Variants in TNS1 observed in about 807,000 individuals in gnomAD.
TNS1 encodes the protein tensin 1.
Under a neutral mutation model 168.6 loss-of-function variants are expected in TNS1, and 62 were observed. The ratio of observed to expected loss-of-function variants is 0.37; its 90% CI spans 0.30 to 0.45. The LOEUF (loss-of-function observed/expected upper bound fraction) is 0.45, where lower values mean the gene tolerates loss of function less well. Among genes scored for constraint, TNS1 ranks in the 20% least tolerant of loss-of-function variants. The probability of loss-of-function intolerance (pLI) is 1.00; values close to 1 mark genes in which losing one functional copy is unlikely to be tolerated. For missense variants in TNS1, 2,240 were observed against 2,339.4 expected, an observed-to-expected ratio of 0.96 and a Z score of 0.88; for synonymous variants, 934 against 933.2, an observed-to-expected ratio of 1.00 and a Z score of -0.02.
chr2:217,925,366 C>T (rs1394045638), intron 3 of TNS1, among the ~76,000 whole-genome samples: 1 of 152,104 alleles, frequency 6.6e-6, no homozygotes, highest in Non-Finnish European at 1.5e-5. Flanking sequence ...GGACCAGGGC[C>T]CCAACTGGGT....
At chr2:217,889,725 T>G (rs1013247895) in intron 12 of TNS1, among the ~76,000 whole-genome samples, 2 of 152,206 alleles carry the variant, frequency 1.3e-5, no homozygotes, top group African/African-American at 4.8e-5. Flanking sequence ...GAAGCTGAGC[T>G]CCATAAGCCC....
At chr2:217,885,294 C>A in intron 15 of TNS1, 130 bp from the exon 16 acceptor site, 1 of 1,270,986 alleles carries the variant, frequency 7.9e-7, no homozygotes, top group Non-Finnish European at 1.1e-6. Flanking sequence ...GAGAGCTCAT[C>A]AACACCAAAC....
At chr2:217,886,746 T>C in intron 12 of TNS1, 100 bp from the exon 13 acceptor site, 2 of 895,494 alleles carry the variant, frequency 2.2e-6, no homozygotes, top group Non-Finnish European at 1.8e-6. Context: ...ACCACTCACC[T>C]ACTCTACCCT....
chr2:217,907,752 GT>G (rs899323493), intron 4 of TNS1, among the ~76,000 whole-genome samples: 4 of 152,192 alleles, frequency 2.6e-5, no homozygotes, highest in Non-Finnish European at 5.9e-5. Context: ...CAGCCAGCCA[GT>G]CTCATTACTT....
intron 3 of TNS1, among the ~76,000 whole-genome samples, chr2:217,971,021 C>T (rs913368901): frequency 2.0e-5 from 3 of 152,092 alleles, no homozygotes; most frequent in Admixed American, 1.3e-4. Context: ...AAGCCATAGA[C>T]CAATGGTTCT....
chr2:217,899,961 T>C (rs994758751), intron 7 of TNS1, among the ~76,000 whole-genome samples: 14 of 152,112 alleles, frequency 9.2e-5, no homozygotes, highest in African/African-American at 2.9e-4. Context: ...GGACACAAAG[T>C]CCCTTGTGCA....
chr2:218,001,677 C>G (rs1958566008), intron 1 of TNS1, among the ~76,000 whole-genome samples: 1 of 152,176 alleles, frequency 6.6e-6, no homozygotes, highest in African/African-American at 2.4e-5. Flanking sequence ...TTAATCCAAT[C>G]CATCCCAGCA....
At chr2:217,964,095 C>T (rs184217456) in intron 3 of TNS1, among the ~76,000 whole-genome samples, 2 of 152,244 alleles carry the variant, frequency 1.3e-5, no homozygotes, top group East Asian at 1.9e-4. Flanking sequence ...CCTGGAGGTT[C>T]GGGAGGCCTC....
chr2:217,890,641 A>C (rs1951649010), intron 12 of TNS1: 1 of 382,024 alleles, frequency 2.6e-6, no homozygotes, highest in Non-Finnish European at 4.9e-6. Context: ...TCCTGCTTCC[A>C]GGGCCAAGAA....
At chr2:217,904,597 C>A (rs994366375) in intron 6 of TNS1, among the ~76,000 whole-genome samples, 4 of 152,198 alleles carry the variant, frequency 2.6e-5, no homozygotes, top group Admixed American at 2.0e-4. Flanking sequence ...CACTTACCCA[C>A]CCCGACACAC....
At chr2:217,882,961 C>T (rs1950823877) in intron 16 of TNS1, among the ~76,000 whole-genome samples, 1 of 151,902 alleles carries the variant, frequency 6.6e-6, no homozygotes. Context: ...ACGCCCGGCT[C>T]ATTTTTGTAT....
Position 217,986,168 on chromosome 2 carries a change from C to A in TNS1, c.148+4774G>T, listed in dbSNP as rs1306540269. On this transcript the variant is annotated intron_variant, in intron 2 of 32. Transcript: ENST00000682258. This position sits in a 1 kb window ranked among gnomAD's most constrained non-coding sequence, Gnocchi z 4.7. ...GGCTAGAAACCCAGGGTCTTCCCACCCTACCAGGCTACCTCTGGTGGCTCC... is the reference window on the plus strand; with the variant it reads ...GGCTAGAAACCCAGGGTCTTCCCACACTACCAGGCTACCTCTGGTGGCTCC... Among the ~76,000 whole-genome samples, 1 of 152,190 alleles carries A rather than the reference C, an allele frequency of 6.6e-6. No individual in the cohort carries two copies. Among genetic ancestry groups the A allele is most frequent in the Non-Finnish European group, 1.5e-5 (1 of 68,028 alleles).
At chr2:217,929,083 AG>A (rs1452778245) in intron 3 of TNS1, among the ~76,000 whole-genome samples, 1 of 152,028 alleles carries the variant, frequency 6.6e-6, no homozygotes. Context: ...GACAACAACA[AG>A]GGGAACTCGG....
chr2:217,818,741 G>A lies in TNS1; in HGVS notation c.3591C>T (p.Phe1197=), dbSNP rs1942347405. The change falls in exon 24 of 33, where the codon TTC becomes TTT. Residue 1197 remains phenylalanine (F), a synonymous_variant. Transcript: ENST00000682258. ...CCTGGTCACTGCTCTCTCCCGACGG[G>A]AAACTCCCCACTGAAGTGCTGCAGA... is the stretch of plus-strand genomic sequence containing the variant. ...LSADSTSVGS[F]PSGESSDQGP... 3 of 1,611,652 alleles carry A rather than the reference G, an allele frequency of 1.9e-6. No homozygotes were observed. Among genetic ancestry groups the A allele is most frequent in the Non-Finnish European group, 2.5e-6 (3 of 1,178,902 alleles).
intron 3 of TNS1, among the ~76,000 whole-genome samples, chr2:217,926,170 G>T (rs1468247384): frequency 6.6e-6 from 1 of 152,168 alleles, no homozygotes; most frequent in African/African-American, 2.4e-5. Flanking sequence ...GGTCTCAGGA[G>T]AAACCAACAC....
intron 3 of TNS1, among the ~76,000 whole-genome samples, chr2:217,974,577 A>T (rs1957849219): frequency 6.6e-6 from 1 of 152,184 alleles, no homozygotes; most frequent in Admixed American, 6.5e-5. Context: ...GCCGGCACCG[A>T]GGCTCTACCT....
chr2:217,885,654 C>T (rs12990490), intron 15 of TNS1, 90 bp downstream of exon 15: 163,217 of 1,376,756 alleles, frequency 0.12, 13,840 homozygotes, highest in African/African-American at 0.35. Context: ...GGAGGAGTAC[C>T]TGTCTTGTCC....
chr2:217,821,353 G>T (rs1421430902), intron 23 of TNS1, among the ~76,000 whole-genome samples: 1 of 152,160 alleles, frequency 6.6e-6, no homozygotes, highest in Non-Finnish European at 1.5e-5. Context: ...TTGCTGCGAG[G>T]ATTAAATAAC....
chr2:218,001,814 C>A (rs910261886), intron 1 of TNS1, among the ~76,000 whole-genome samples: 1 of 151,944 alleles, frequency 6.6e-6, no homozygotes, highest in Non-Finnish European at 1.5e-5. Context: ...CATGGGCTTG[C>A]CTGGGCCAAG....
Sources: allele counts gnomAD v4.1 joint callset (sites outside exome capture counted in the v4.1 genomes callset), GRCh38; gene constraint gnomAD v4.1.1; non-coding constraint Gnocchi (gnomAD v3.1); transcripts MANE v1.5; gene names NCBI Gene and HGNC (gene_info 2026-07-23, HGNC 2026-07-21).